The following PRKAR1A variants were observed in gnomAD, a reference collection of about 807,000 sequenced individuals.
PRKAR1A encodes the protein cAMP-dependent protein kinase type I-alpha regulatory subunit.
In PRKAR1A, 3 loss-of-function variants were observed where a neutral mutation model predicts 52.0. That is an observed-to-expected ratio of 0.06 (90% CI 0.03 to 0.15). The LOEUF (loss-of-function observed/expected upper bound fraction) is 0.15, where lower values mean the gene tolerates loss of function less well. Ranked by LOEUF, PRKAR1A falls within the 10% of genes least tolerant of loss-of-function variation. PRKAR1A has a pLI of 1.00. For synonymous variants in PRKAR1A, 188 were observed against 168.4 expected, an observed-to-expected ratio of 1.12 and a Z score of -0.90; for missense variants, 240 against 477.4, an observed-to-expected ratio of 0.50 and a Z score of 4.63.
chr17:68,430,107 G>A, the PRKAR1A span: 2 of 1,614,152 alleles, frequency 1.2e-6, no homozygotes, highest in African/African-American at 1.3e-5. Flanking sequence ...GTTGGTAGCA[G>A]CCATAAACAT....
chr17:68,500,161 T>C, the PRKAR1A span, among the ~76,000 whole-genome samples: 1 of 152,162 alleles, frequency 6.6e-6, no homozygotes, highest in Non-Finnish European at 1.5e-5. Context: ...GCTGTACCAA[T>C]TGGAAACAGT....
In PRKAR1A at chr17:68,539,239, G is replaced by C. The variant is rs999164449; in HGVS notation, c.973+9238G>C. On this transcript the variant is annotated intron_variant, in intron 11 of 11. Coordinates refer to the PRKAR1A transcript ENST00000585981. ...TGTCATTCTACCCACTTACGTCCTG[G>C]ACCAGTGAAAACTGGAAGCCCTTCA... The C allele has an allele frequency of 9.6e-6, 11 of 1,151,746 alleles. No homozygotes were observed. In the Admixed American group the frequency reaches 1.1e-4, roughly 11 times the overall value. The allele number at this position is 1,151,746 out of a possible 1,614,324, so 71.3% of individuals were successfully genotyped here. A position where few individuals can be genotyped will look rare whatever the true frequency, so the allele number is the denominator to read the frequency against.
chr17:68,431,482 AGGGGGAC>A, the PRKAR1A span, among the ~76,000 whole-genome samples: 2 of 152,008 alleles, frequency 1.3e-5, no homozygotes, highest in Non-Finnish European at 2.9e-5. Context: ...GGTCTGACTC[AGGGGGAC>A]GGGAGGAGCT....
chr17:68,492,168 C>G, the PRKAR1A span, among the ~76,000 whole-genome samples: 1 of 152,204 alleles, frequency 6.6e-6, no homozygotes, highest in African/African-American at 2.4e-5. Context: ...CTGACTTGCT[C>G]CTGAGGCCGA....
chr17:68,433,668 T>C, the PRKAR1A span: 1 of 987,306 alleles, frequency 1.0e-6, no homozygotes, highest in Non-Finnish European at 1.5e-6. Flanking sequence ...AAATCAGATG[T>C]ATCCTGAAGA....
At chr17:68,455,361 CAA>C in the PRKAR1A span, among the ~76,000 whole-genome samples, 49 of 102,634 alleles carry the variant, frequency 4.8e-4, no homozygotes, top group African/African-American at 1.4e-3. Context: ...AAGACTGTCT[CAA>C]AAAAAAAAAA....
the PRKAR1A span, among the ~76,000 whole-genome samples, chr17:68,496,254 C>T: frequency 2.0e-5 from 3 of 151,156 alleles, no homozygotes; most frequent in African/African-American, 7.3e-5. Flanking sequence ...GTTGGCCAGG[C>T]TGGTCTTGAA....
chr17:68,480,497 G>T, the PRKAR1A span, among the ~76,000 whole-genome samples: 1 of 152,106 alleles, frequency 6.6e-6, no homozygotes, highest in Non-Finnish European at 1.5e-5. Flanking sequence ...TGCAGGCTAG[G>T]GGGTTTAGTT....
the PRKAR1A span, among the ~76,000 whole-genome samples, chr17:68,506,659 T>C: frequency 6.6e-6 from 1 of 152,068 alleles, no homozygotes; most frequent in African/African-American, 2.4e-5. Context: ...AATTTTTGTA[T>C]TTTTAGTAGA....
intron 7 of PRKAR1A, among the ~76,000 whole-genome samples, chr17:68,526,959 T>G (rs1011745200): frequency 6.6e-6 from 1 of 152,172 alleles, no homozygotes; most frequent in African/African-American, 2.4e-5. Flanking sequence ...TAAGTCTAAA[T>G]TTTAGAAAGA....
At chr17:68,489,311 G>A in the PRKAR1A span, among the ~76,000 whole-genome samples, 9 of 26,318 alleles carry the variant, frequency 3.4e-4, no homozygotes, top group South Asian at 9.4e-4. Flanking sequence ...ATATATATAT[G>A]GAAAGTATAT....
At chr17:68,489,204 A>AAAG in the PRKAR1A span, among the ~76,000 whole-genome samples, 8 of 40,740 alleles carry the variant, frequency 2.0e-4, 1 homozygote, top group African/African-American at 7.1e-4. Context: ...ATATATATAT[A>AAAG]TATATATATA....
rs757671191 is a variant in PRKAR1A at position 68,542,905 on chromosome 17, G to C, written c.974-8179G>C. 5.2e-6 allele frequency: 5 copies of C among 952,608 alleles called. No individual in the cohort carries two copies. The East Asian group carries it at 1.2e-4, about 23-fold the overall frequency. The allele number at this position is 952,608 out of a possible 1,614,324, so 59.0% of individuals were successfully genotyped here. ...GCCAGTGCACATTAGGAATTGGCTGGTGTACCCAGGAGGGTGGCCGGTGAG... is the reference window on the plus strand; with the variant it reads ...GCCAGTGCACATTAGGAATTGGCTGCTGTACCCAGGAGGGTGGCCGGTGAG... On this transcript the variant is annotated intron_variant, in intron 11 of 11. Coordinates refer to the PRKAR1A transcript ENST00000585981.
chr17:68,510,429 C>A (rs907501524), upstream of PRKAR1A, among the ~76,000 whole-genome samples: 17 of 152,094 alleles, frequency 1.1e-4, no homozygotes, highest in African/African-American at 4.1e-4. Flanking sequence ...GCTGTTATAC[C>A]CTTAGTAGTT....
chr17:68,465,221 C>A, the PRKAR1A span, among the ~76,000 whole-genome samples: 2 of 152,112 alleles, frequency 1.3e-5, no homozygotes, highest in Non-Finnish European at 2.9e-5. Flanking sequence ...CGTGAGCCAC[C>A]GCGCCCGGCC....
the PRKAR1A span, among the ~76,000 whole-genome samples, chr17:68,488,329 A>G: frequency 1.3e-5 from 2 of 152,170 alleles, no homozygotes; most frequent in Non-Finnish European, 2.9e-5. Context: ...ACGCCATTGC[A>G]AGGCTTCTCT....
At chr17:68,463,036 C>T in the PRKAR1A span, among the ~76,000 whole-genome samples, 1 of 152,148 alleles carries the variant, frequency 6.6e-6, no homozygotes, top group African/African-American at 2.4e-5. Flanking sequence ...TCTAGTCTAG[C>T]GGTGGTGCAG....
the PRKAR1A span, among the ~76,000 whole-genome samples, chr17:68,486,469 CTCTCCTTCCTTCCTTCCT>C: frequency 5.1e-4 from 52 of 102,440 alleles, no homozygotes; most frequent in Middle Eastern, 4.8e-3. Flanking sequence ...TTCTTTCTTT[CTCTCCTTCCTTCCTTCCT>C]TCCTTCCTTC....
chr17:68,457,581 A>ACCCCGCCCCGT, the PRKAR1A span: 1 of 177,828 alleles, frequency 5.6e-6, no homozygotes, highest in East Asian at 1.0e-4. Flanking sequence ...CCCCGCCCCT[A>ACCCCGCCCCGT]CCCCGCCCCG....
Sources: gnomAD v4.1 joint callset for allele counts (sites outside exome capture counted in the v4.1 genomes callset) on GRCh38, gnomAD v4.1.1 for gene constraint, MANE v1.5 for transcripts, NCBI Gene and HGNC (gene_info 2026-07-23, HGNC 2026-07-21) for gene names.